The following RBFOX1 variants were observed in gnomAD, a reference collection of about 807,000 sequenced individuals.
The protein encoded by RBFOX1 is RNA binding fox-1 homolog 1.
Under a neutral mutation model 57.7 loss-of-function variants are expected in RBFOX1, and 8 were observed. The observed-to-expected ratio is 0.14, with a 90% confidence interval of 0.08 to 0.25. The LOEUF is 0.25. Ranked by LOEUF, RBFOX1 falls within the 10% of genes least tolerant of loss-of-function variation. The pLI, the probability that RBFOX1 is intolerant of heterozygous loss-of-function variation, is 1.00. For missense variants in RBFOX1, 611 were observed against 548.5 expected (o/e 1.11, Z -1.14); for synonymous variants, 326 against 222.4 (o/e 1.47, Z -4.15).
chr16:7,198,284 C>G (rs1043095822), intron 4 of RBFOX1, among the ~76,000 whole-genome samples: 2 of 152,120 alleles, frequency 1.3e-5, no homozygotes, highest in African/African-American at 4.8e-5. Flanking sequence ...GGATTACAGG[C>G]GTAAGCCACC....
At chr16:5,723,089 A>C (rs144808166) in intron 3 of RBFOX1, among the ~76,000 whole-genome samples, 2 of 152,212 alleles carry the variant, frequency 1.3e-5, no homozygotes, top group Non-Finnish European at 2.9e-5. Flanking sequence ...CAAGTGATGC[A>C]GGTTTGCCAT....
At chr16:7,640,999 A>G (rs1568235224) in intron 11 of RBFOX1, among the ~76,000 whole-genome samples, 2 of 151,998 alleles carry the variant, frequency 1.3e-5, no homozygotes, top group African/African-American at 4.8e-5. Context: ...TTGGAATGTA[A>G]AAGAGGACAG....
chr16:7,509,238 T>A (rs917586613), intron 4 of RBFOX1, among the ~76,000 whole-genome samples: 1 of 152,228 alleles, frequency 6.6e-6, no homozygotes, highest in Non-Finnish European at 1.5e-5. Context: ...AATATTGCGG[T>A]CATCTTAGTA....
At chr16:7,347,583 G>A (rs923134822) in intron 4 of RBFOX1, among the ~76,000 whole-genome samples, 13 of 152,044 alleles carry the variant, frequency 8.6e-5, no homozygotes, top group African/African-American at 2.7e-4. Context: ...TGGAATTATC[G>A]AGCATTATCC....
At chr16:7,375,770 A>G (rs2097675013) in intron 4 of RBFOX1, among the ~76,000 whole-genome samples, 2 of 151,284 alleles carry the variant, frequency 1.3e-5, no homozygotes, top group Admixed American at 1.3e-4. Flanking sequence ...TTCCTTTCCT[A>G]CTCTCTCTCC....
intron 3 of RBFOX1, among the ~76,000 whole-genome samples, chr16:6,716,508 A>G (rs913066378): frequency 1.3e-5 from 2 of 152,226 alleles, no homozygotes; most frequent in Admixed American, 1.3e-4. Context: ...TTCAGCAACT[A>G]AAATCTGTTT....
chr16:6,877,854 C>G (rs139080258), intron 3 of RBFOX1, among the ~76,000 whole-genome samples: 1 of 152,110 alleles, frequency 6.6e-6, no homozygotes, highest in Admixed American at 6.6e-5. Context: ...CCCCAAAATA[C>G]CCATTCAAAG....
chr16:7,461,636 G>T (rs1008687253), intron 4 of RBFOX1, among the ~76,000 whole-genome samples: 1 of 152,078 alleles, frequency 6.6e-6, no homozygotes, highest in African/African-American at 2.4e-5. Context: ...TCCAAAAGCC[G>T]TACGTTTTCT....
chr16:7,696,401 T>A (rs1244729533), intron 14 of RBFOX1, among the ~76,000 whole-genome samples: 1 of 152,024 alleles, frequency 6.6e-6, no homozygotes. Flanking sequence ...AGTAAATGAT[T>A]TTCCCTTCTT....
intron 2 of RBFOX1, among the ~76,000 whole-genome samples, chr16:6,572,839 C>T (rs1398565988): frequency 6.6e-6 from 1 of 152,106 alleles, no homozygotes; most frequent in African/African-American, 2.4e-5. Context: ...AGTGATCCAC[C>T]CACCTTCGCC....
At chr16:7,330,162 C>T (rs1284691069) in intron 4 of RBFOX1, among the ~76,000 whole-genome samples, 1 of 151,988 alleles carries the variant, frequency 6.6e-6, no homozygotes, top group Non-Finnish European at 1.5e-5. Context: ...GGTTCCAGGA[C>T]CTCCCCTCAG....
intron 3 of RBFOX1, among the ~76,000 whole-genome samples, chr16:5,797,411 A>C (rs552632749): frequency 6.6e-6 from 1 of 152,130 alleles, no homozygotes; most frequent in African/African-American, 2.4e-5. Context: ...GTCACTCCCT[A>C]CTTGATTTTC....
intron 3 of RBFOX1, among the ~76,000 whole-genome samples, chr16:6,960,056 A>T (rs934552806): frequency 1.3e-5 from 2 of 152,254 alleles, no homozygotes; most frequent in African/African-American, 2.4e-5. Flanking sequence ...ACATGACAAG[A>T]TAATAAAGGA....
intron 5 of RBFOX1, among the ~76,000 whole-genome samples, chr16:7,543,657 T>G (rs542160300): frequency 6.0e-5 from 9 of 150,754 alleles, no homozygotes; most frequent in African/African-American, 2.2e-4. Flanking sequence ...TGCACCATGC[T>G]GGGCAGTATC....
Position 7,222,338 on chromosome 16 carries a change from A to C in RBFOX1, c.27+170240A>C, listed in dbSNP as rs547770621. On this transcript the variant is annotated intron_variant, in intron 4 of 15. Transcript: ENST00000550418. ...TAATGTGCAAAGTCTCATGTTGGCTATATAGGTAGTTTATATGTCAGTTCC... is the reference window on the plus strand; with the variant it reads ...TAATGTGCAAAGTCTCATGTTGGCTCTATAGGTAGTTTATATGTCAGTTCC... 2.6e-5 allele frequency among the ~76,000 whole-genome samples: 4 copies of C among 152,358 alleles called. No homozygotes were observed. The South Asian group carries it at 8.3e-4, about 32-fold the overall frequency.
chr16:6,324,611 T>C (rs1231295874), intron 2 of RBFOX1, among the ~76,000 whole-genome samples: 1 of 152,164 alleles, frequency 6.6e-6, no homozygotes, highest in Non-Finnish European at 1.5e-5. Flanking sequence ...ACAGTGCCAA[T>C]GGGATGTTAC....
chr16:7,501,898 G>T (rs769098965), intron 4 of RBFOX1, among the ~76,000 whole-genome samples: 1 of 152,148 alleles, frequency 6.6e-6, no homozygotes, highest in South Asian at 2.1e-4. Flanking sequence ...CCTGGGCTAT[G>T]TCTACCTTAT....
intron 4 of RBFOX1, among the ~76,000 whole-genome samples, chr16:7,348,747 C>T (rs1603626542): frequency 1.3e-5 from 2 of 152,082 alleles, no homozygotes; most frequent in South Asian, 2.1e-4. Flanking sequence ...TTCAAGACCA[C>T]CCTGGCCAAC....
In RBFOX1 at chr16:7,430,842, A is replaced by G. The variant is rs936070966; in HGVS notation, c.28-87305A>G. Among the ~76,000 whole-genome samples the G allele has an allele frequency of 9.2e-5, 14 of 152,286 alleles. No homozygotes were observed. The East Asian group carries it at 9.7e-4, about 10-fold the overall frequency. ...TTTTATAATCTAAGCATCCTTATTC[A>G]TAGGAAGGGGGCTTGGTTATCATGA... is the stretch of plus-strand genomic sequence containing the variant. On this transcript the variant is annotated intron_variant, in intron 4 of 15. Coordinates refer to ENST00000550418, the MANE Select transcript of RBFOX1 (RefSeq NM_018723.4).
Sources: allele counts gnomAD v4.1 joint callset (sites outside exome capture counted in the v4.1 genomes callset), GRCh38; gene constraint gnomAD v4.1.1; transcripts MANE v1.5; gene names NCBI Gene and HGNC (gene_info 2026-07-23, HGNC 2026-07-21).